TTC7A: variants seen among roughly 807,000 people sequenced by gnomAD.
TTC7A encodes tetratricopeptide repeat protein 7A.
In TTC7A, 110 loss-of-function variants were observed where a neutral mutation model predicts 103.7. That is an observed-to-expected ratio of 1.06 (90% CI 0.91 to 1.24). The LOEUF (loss-of-function observed/expected upper bound fraction) is 1.24. TTC7A is among the 50% of genes most tolerant of loss of function. The pLI, the probability that TTC7A is intolerant of heterozygous loss-of-function variation, is 0.00. For synonymous variants in TTC7A, 521 were observed against 467.9 expected, an observed-to-expected ratio of 1.11 and a Z score of -1.47; for missense variants, 1,340 against 1,116.3, an observed-to-expected ratio of 1.20 and a Z score of -2.86.
chr2:47,059,433 T>C (rs1483603965), intron 18 of TTC7A, among the ~76,000 whole-genome samples: 1 of 152,158 alleles, frequency 6.6e-6, no homozygotes, highest in Admixed American at 6.5e-5. Flanking sequence ...CAGCTCTCCA[T>C]CAGGGCAGGG....
chr2:47,020,027 A>T (rs751019865), intron 11 of TTC7A, among the ~76,000 whole-genome samples: 7 of 152,124 alleles, frequency 4.6e-5, no homozygotes, highest in Non-Finnish European at 1.0e-4. Flanking sequence ...GCCCTATGTC[A>T]GCACCACACA....
intron 2 of TTC7A, among the ~76,000 whole-genome samples, chr2:46,928,474 A>C (rs1669520843): frequency 6.6e-6 from 1 of 151,272 alleles, no homozygotes; most frequent in African/African-American, 2.4e-5. Context: ...AAAAAAAAAA[A>C]AAAAAAAAAA....
chr2:47,016,358 C>T (rs910265169), intron 11 of TTC7A, among the ~76,000 whole-genome samples: 1 of 152,236 alleles, frequency 6.6e-6, no homozygotes, highest in Non-Finnish European at 1.5e-5. Context: ...TCTGCTACTT[C>T]CTAGACAGGT....
chr2:47,060,353 G>A (rs1372513388), intron 18 of TTC7A, among the ~76,000 whole-genome samples: 6 of 152,096 alleles, frequency 3.9e-5, no homozygotes, highest in Non-Finnish European at 8.8e-5. Flanking sequence ...CTGGACAACA[G>A]AGGGAAACTC....
chr2:46,991,968 T>G (rs969039093), intron 5 of TTC7A, among the ~76,000 whole-genome samples: 6 of 152,328 alleles, frequency 3.9e-5, no homozygotes, highest in Middle Eastern at 3.4e-3. Context: ...GCAAGGGACT[T>G]GATCTGCAAA....
chr2:46,952,232 C>T (rs892921759), intron 2 of TTC7A, among the ~76,000 whole-genome samples: 1 of 151,828 alleles, frequency 6.6e-6, no homozygotes, highest in Non-Finnish European at 1.5e-5. Context: ...GCTGCCTGAC[C>T]CTGAGCATGC....
chr2:47,058,365 A>G (rs1476369146), intron 18 of TTC7A, among the ~76,000 whole-genome samples: 1 of 152,220 alleles, frequency 6.6e-6, no homozygotes, highest in Non-Finnish European at 1.5e-5. Context: ...GGGTTGCACA[A>G]TGAACCTTAG....
chr2:46,994,245 C>T (rs1675918341), intron 6 of TTC7A, 112 bp from the exon 7 acceptor site: 2 of 1,328,646 alleles, frequency 1.5e-6, no homozygotes, highest in South Asian at 1.4e-5. Flanking sequence ...ACCCAAAGGG[C>T]CGCACATTGC....
chr2:46,924,591 T>G (rs1007576979), intron 2 of TTC7A, among the ~76,000 whole-genome samples: 1 of 152,172 alleles, frequency 6.6e-6, no homozygotes, highest in Non-Finnish European at 1.5e-5. Flanking sequence ...CCATGTGATA[T>G]TCATAAGAGT....
At chr2:47,040,101 A>T (rs4953449) in intron 15 of TTC7A, among the ~76,000 whole-genome samples, 77,999 of 151,998 alleles carry the variant, frequency 0.51, 21,344 homozygotes, top group African/African-American at 0.71. Context: ...AGCCTGGGTG[A>T]GGGGTGGCCG....
Position 46,997,408 on chromosome 2 carries a change from G to A in TTC7A, c.1065+2209G>A, listed in dbSNP as rs531826987. ...AGCTAGGGAGGTTCCAAGCTGATTAGGTGCGCATTATGTTGAGTCATATGA... is the reference window on the plus strand; with the variant it reads ...AGCTAGGGAGGTTCCAAGCTGATTAAGTGCGCATTATGTTGAGTCATATGA... On this transcript the variant is annotated intron_variant, in intron 8 of 19. Coordinates refer to ENST00000319190, the MANE Select transcript of TTC7A (RefSeq NM_020458.4). 3.6e-4 allele frequency among the ~76,000 whole-genome samples: 55 copies of A among 152,230 alleles called. No homozygotes were observed. The South Asian group carries it at 4.1e-3, about 11-fold the overall frequency.
upstream of TTC7A, among the ~76,000 whole-genome samples, chr2:46,939,037 G>C (rs1002015476): frequency 6.6e-6 from 1 of 150,928 alleles, no homozygotes; most frequent in Non-Finnish European, 1.5e-5. Flanking sequence ...AGTACTTTGC[G>C]GGCCAGGGTG....
In TTC7A at chr2:46,964,754, C is replaced by G. The variant is rs1008086070; in HGVS notation, c.517+7747C>G. On this transcript the variant is annotated intron_variant, in intron 3 of 19. Transcript: ENST00000319190. ...CTAGCTTTAGCCCGTTCAGCCTCCCCAAGCTCCGGTGGGTCTCTTCCATTT... is the reference window on the plus strand; with the variant it reads ...CTAGCTTTAGCCCGTTCAGCCTCCCGAAGCTCCGGTGGGTCTCTTCCATTT... Among the ~76,000 whole-genome samples, 10 of 152,310 alleles carry G rather than the reference C, an allele frequency of 6.6e-5. No individual in the cohort carries two copies. In the South Asian group the frequency reaches 2.1e-3, roughly 32 times the overall value.
chr2:47,007,649 C>T lies in TTC7A; in HGVS notation c.1287+925C>T, dbSNP rs556445582. ...CGCATCAAGGGCGTGCCAGCCAGCT[C>T]GGGGCCTCGGCAGCCGAGGCAGGCC... On this transcript the variant is annotated intron_variant, in intron 10 of 19. Transcript: ENST00000319190. This position sits in a 1 kb window ranked among gnomAD's most constrained non-coding sequence, Gnocchi z 4.9. Among the ~76,000 whole-genome samples the T allele has an allele frequency of 1.2e-4, 18 of 152,202 alleles. No homozygotes were observed. The South Asian group carries it at 2.7e-3, about 23-fold the overall frequency.
intron 11 of TTC7A, among the ~76,000 whole-genome samples, chr2:47,018,627 A>G: frequency 6.6e-6 from 1 of 151,628 alleles, no homozygotes; most frequent in Admixed American, 6.6e-5. Flanking sequence ...CAAAGCTTAT[A>G]TACATATAAG....
chr2:47,004,890 G>A (rs1214056579), intron 8 of TTC7A, among the ~76,000 whole-genome samples: 5 of 152,044 alleles, frequency 3.3e-5, no homozygotes, highest in Admixed American at 1.3e-4. Context: ...CCCAGCCTGC[G>A]TGTTGCCCCC....
At chr2:47,025,800 C>T (rs1251782285) in intron 14 of TTC7A, among the ~76,000 whole-genome samples, 1 of 152,154 alleles carries the variant, frequency 6.6e-6, no homozygotes, top group South Asian at 2.1e-4. Context: ...CTCTAGGCTG[C>T]GCCCCCACCC....
At chr2:47,047,377 C>G in intron 16 of TTC7A, 1 of 1,396,076 alleles carries the variant, frequency 7.2e-7, no homozygotes, top group Non-Finnish European at 9.9e-7. Context: ...AAAGTCAGCC[C>G]TCACTTTTCA....
chr2:47,004,602 G>A (rs569748352), intron 8 of TTC7A, among the ~76,000 whole-genome samples: 1 of 152,090 alleles, frequency 6.6e-6, no homozygotes, highest in African/African-American at 2.4e-5. Context: ...AAGTACTATT[G>A]TACAGAAGGA....
Sources: allele counts gnomAD v4.1 joint callset (sites outside exome capture counted in the v4.1 genomes callset), GRCh38; gene constraint gnomAD v4.1.1; non-coding constraint Gnocchi (gnomAD v3.1); transcripts MANE v1.5; gene names NCBI Gene and HGNC (gene_info 2026-07-23, HGNC 2026-07-21).